The following BCL6 variants were observed in gnomAD, a reference collection of about 807,000 sequenced individuals.
BCL6 encodes the protein B-cell lymphoma 6 protein.
A neutral mutation model predicts 59.5 loss-of-function variants in BCL6; 7 were observed. The ratio of observed to expected loss-of-function variants is 0.12; its 90% CI spans 0.07 to 0.22. The LOEUF (loss-of-function observed/expected upper bound fraction) is 0.22, where lower values mean the gene tolerates loss of function less well. Among genes scored for constraint, BCL6 ranks in the 10% least tolerant of loss-of-function variants. The pLI, the probability that BCL6 is intolerant of heterozygous loss-of-function variation, is 1.00. For synonymous variants in BCL6, 339 were observed against 349.7 expected (o/e 0.97, Z 0.34); for missense variants, 685 against 939.4 (o/e 0.73, Z 3.54).
intron 1 of BCL6, among the ~76,000 whole-genome samples, chr3:187,745,186 G>A (rs186748895): frequency 5.3e-5 from 8 of 152,004 alleles, no homozygotes; most frequent in East Asian, 3.9e-4. Flanking sequence ...CTAATCTTCG[G>A]CATTTATTTT....
chr3:187,726,838 T>G lies in BCL6; in HGVS notation c.1601A>C (p.Lys534Thr), dbSNP rs565046748. The G allele has an allele frequency of 2.5e-6, 4 of 1,614,212 alleles. No individual in the cohort carries two copies. In the South Asian group the frequency reaches 4.4e-5, roughly 18 times the overall value. Residue 534 changes from lysine to threonine, a missense_variant, in exon 7 of 10, where the codon AAG becomes ACG. This residue lies in a region of BCL6 where 207 missense variants were observed against 213.7 expected (regional missense o/e 0.97). Coordinates refer to ENST00000406870, the MANE Select transcript of BCL6 (RefSeq NM_001706.5). ...ACTGTGGGTCTGCAGCGTGTGCCTCTTGAGTGAGGCCTCCTCAGAGAAGCG... is the reference window on the plus strand; with the variant it reads ...ACTGTGGGTCTGCAGCGTGTGCCTCGTGAGTGAGGCCTCCTCAGAGAAGCG... ...DCRFSEEASLKRHTLQTHSDK... is the reference protein window; with the variant it reads ...DCRFSEEASLTRHTLQTHSDK...
Position 187,722,502 on chromosome 3 carries a change from C to G in BCL6, c.2077G>C (p.Val693Leu), listed in dbSNP as rs200887028. Residue 693 changes from valine to leucine, a missense_variant, in exon 10 of 10, where the codon GTG becomes CTG. Val to Leu is a conservative substitution (Grantham distance 32, BLOSUM62 1). Around this residue, in one of 7 missense-constraint regions of BCL6, gnomAD observed 38 missense variants for 97.9 expected, o/e 0.39. Transcript: ENST00000406870. ...TCCGGAGGCAGGTCAGTGGCTGACA[C>G]GCGGTATTGCACCTTGGTGTTGGTG... The part of the protein sequence containing the change: ...AITNTKVQYR[V>L]SATDLPPELP... 6.2e-7 allele frequency: 1 copy of G among 1,613,728 alleles called. No homozygotes were observed. Among genetic ancestry groups the G allele is most frequent in the Middle Eastern group, 1.7e-4 (1 of 5,932 alleles).
At chr3:187,732,018 TG>T in intron 3 of BCL6, 88 bp from the exon 4 acceptor site, 1 of 1,113,916 alleles carries the variant, frequency 9.0e-7, no homozygotes. Context: ...CCCTTTCCCC[TG>T]GGCCTACCTC....
chr3:187,727,814 T>C (rs1718797824), intron 6 of BCL6, among the ~76,000 whole-genome samples: 1 of 152,208 alleles, frequency 6.6e-6, no homozygotes, highest in Admixed American at 6.5e-5. Context: ...TAGACTTTTT[T>C]GTCTGGTAAA....
chr3:187,722,330 C>CCCCCCCCCA lies in BCL6; in HGVS notation c.*127_*128insTGGGGGGGG. ...CCCCGACCCCCACCACCCCCAACCC[C>CCCCCCCCCA]CAGCTATGATTTGCACTAGTGGATG... On this transcript the variant is annotated 3_prime_UTR_variant, in exon 10 of 10. Coordinates refer to ENST00000406870, the MANE Select transcript of BCL6 (RefSeq NM_001706.5). 1.2e-6 allele frequency: 1 copy of CCCCCCCCCA among 862,960 alleles called. No individual in the cohort carries two copies. The highest frequency in any genetic ancestry group is 1.5e-6 in the Non-Finnish European group (1 of 657,160). The allele number at this position is 862,960 out of a possible 1,614,324, so 53.5% of individuals were successfully genotyped here.
intron 2 of BCL6, 69 bp downstream of exon 2, chr3:187,734,800 C>T (rs182920646): frequency 7.2e-5 from 11 of 152,740 alleles, no homozygotes; most frequent in Admixed American, 5.9e-4. Context: ...CACAGAGACA[C>T]ATGTATTGGC....
chr3:187,733,812 GTC>G (rs1394168987), intron 2 of BCL6, 109 bp from the exon 3 acceptor site: 1 of 1,137,370 alleles, frequency 8.8e-7, no homozygotes. Context: ...TGCAACTCAG[GTC>G]CCTTGTATTT....
At chr3:187,743,335 C>T (rs1249783994) in intron 1 of BCL6, among the ~76,000 whole-genome samples, 1 of 110,690 alleles carries the variant, frequency 9.0e-6, no homozygotes, top group African/African-American at 3.4e-5. Context: ...TGTGGGGTGG[C>T]GGGGGCCGGC....
chr3:187,745,070 A>G (rs760461035), intron 1 of BCL6, among the ~76,000 whole-genome samples: 9 of 151,988 alleles, frequency 5.9e-5, no homozygotes, highest in East Asian at 5.8e-4. Context: ...AAACAACACA[A>G]GGGAGGGTGG....
chr3:187,743,136 C>G (rs1359036350), intron 1 of BCL6, among the ~76,000 whole-genome samples: 1 of 152,018 alleles, frequency 6.6e-6, no homozygotes, highest in East Asian at 1.9e-4. Context: ...AACTGTATTT[C>G]TAAACAGCCC....
At chr3:187,740,160 GGAGA>G (rs1298826410) in intron 1 of BCL6, among the ~76,000 whole-genome samples, 1 of 152,170 alleles carries the variant, frequency 6.6e-6, no homozygotes, top group Non-Finnish European at 1.5e-5. Context: ...TCACGAGCTC[GGAGA>G]AAGAAAACTT....
At chr3:187,723,940 A>C (rs1340712548) in intron 9 of BCL6, among the ~76,000 whole-genome samples, 2 of 152,224 alleles carry the variant, frequency 1.3e-5, no homozygotes, top group Non-Finnish European at 2.9e-5. Context: ...TTAATACTAC[A>C]ACTCCATGAA....
At chr3:187,727,040 C>T (rs568731900) in intron 6 of BCL6, 142 bp from the exon 7 acceptor site, 19 of 900,244 alleles carry the variant, frequency 2.1e-5, no homozygotes, top group African/African-American at 1.0e-4. Context: ...CATGGGAGCT[C>T]GGAGCAAAGG....
Position 187,725,400 on chromosome 3 carries a change from C to G in BCL6, c.1839+99G>C, listed in dbSNP as rs1456940819. On this transcript the variant is annotated intron_variant, in intron 8 of 9. Transcript: ENST00000406870. This position sits in a 1 kb window ranked among gnomAD's most constrained non-coding sequence, Gnocchi z 4.7. ...TGCCCGCTCCGCTTGCCTGCCCGCT[C>G]CACTTGCCTGCCCACTCCTCCGCTT... 1.9e-6 allele frequency: 3 copies of G among 1,568,046 alleles called. No individual in the cohort carries two copies. Among genetic ancestry groups the G allele is most frequent in the Admixed American group, 1.8e-5 (1 of 55,436 alleles).
rs762888381 is a variant in BCL6, at chr3:187,729,573, C to G, written c.832G>C (p.Ala278Pro). ...EARSDMHYSVAEGLKPAAPSA... is the reference protein window; with the variant it reads ...EARSDMHYSVPEGLKPAAPSA... ...GGGGCAGCAGGTTTGAGGCCCTCAGCCACACTGTAGTGCATATCACTTCGT... is the reference window on the plus strand; with the variant it reads ...GGGGCAGCAGGTTTGAGGCCCTCAGGCACACTGTAGTGCATATCACTTCGT... The change falls in exon 5 of 10, where the codon GCT (alanine) becomes CCT (proline). Residue 278 changes from alanine to proline, a missense_variant. Around this residue, in one of 7 missense-constraint regions of BCL6, gnomAD observed 268 missense variants for 263.8 expected, o/e 1.02. Transcript: ENST00000406870. The surrounding 1 kb of genome is among the most constrained non-coding windows in gnomAD (Gnocchi z 5.6). The G allele has an allele frequency of 6.2e-7, 1 of 1,614,102 alleles. No individual in the cohort carries two copies. The highest frequency in any genetic ancestry group is 1.7e-5 in the Admixed American group (1 of 60,028).
intron 3 of BCL6, among the ~76,000 whole-genome samples, chr3:187,733,279 T>C (rs1280783034): frequency 6.6e-6 from 1 of 152,154 alleles, no homozygotes; most frequent in African/African-American, 2.4e-5. Flanking sequence ...AAACACATCC[T>C]TTCTTGGGGC....
intron 3 of BCL6, among the ~76,000 whole-genome samples, chr3:187,733,318 A>G (rs1719134813): frequency 6.6e-6 from 1 of 151,902 alleles, no homozygotes; most frequent in Admixed American, 6.6e-5. Flanking sequence ...CTCTATGCCC[A>G]CAGAACGTGG....
chr3:187,733,402 G>T (rs1719139146), intron 3 of BCL6, 131 bp downstream of exon 3: 2 of 1,066,560 alleles, frequency 1.9e-6, no homozygotes, highest in Admixed American at 2.2e-5. Flanking sequence ...CCACGCCATG[G>T]TGCTGAGATC....
chr3:187,722,626 G>C (rs760414874), intron 9 of BCL6, 25 bp from the exon 10 acceptor site: 2 of 1,606,978 alleles, frequency 1.2e-6, no homozygotes, highest in Non-Finnish European at 1.7e-6. Flanking sequence ...GAGGCAAACT[G>C]TTAGCTGTCA....
Sources: gnomAD v4.1 joint callset for allele counts (sites outside exome capture counted in the v4.1 genomes callset) on GRCh38, gnomAD v4.1.1 for gene constraint, gnomAD v4.1.1 regional missense constraint, Gnocchi (gnomAD v3.1) non-coding constraint, MANE v1.5 for transcripts, NCBI Gene and HGNC (gene_info 2026-07-23, HGNC 2026-07-21) for gene names.